The following CD36 variants were observed in gnomAD, a reference collection of about 807,000 sequenced individuals.
CD36 encodes the protein CD36 molecule (CD36 blood group), also known as platelet glycoprotein 4.
CD36 carries 119 observed loss-of-function variants against 55.2 expected under a neutral mutation model. That is an observed-to-expected ratio of 2.15 (90% CI 1.86 to 2.51). The LOEUF is 2.51. CD36 is among the 30% of genes most tolerant of loss of function. The probability of loss-of-function intolerance (pLI) is 0.00; values close to 1 mark genes in which losing one functional copy is unlikely to be tolerated. For synonymous variants in CD36, 186 were observed against 193.6 expected, an observed-to-expected ratio of 0.96 and a Z score of 0.33; for missense variants, 819 against 555.5, an observed-to-expected ratio of 1.47 and a Z score of -4.77.
At chr7:80,631,833 G>T (rs996859649) in intron 1 of CD36, among the ~76,000 whole-genome samples, 1 of 150,872 alleles carries the variant, frequency 6.6e-6, no homozygotes, top group African/African-American at 2.4e-5. Flanking sequence ...ATACATAAAT[G>T]ATATAAATAA....
intron 9 of CD36, 86 bp from the exon 10 acceptor site, chr7:80,670,891 T>TAA: frequency 1.1e-6 from 1 of 950,938 alleles, no homozygotes; most frequent in South Asian, 1.4e-5. Context: ...ATGATGTTTC[T>TAA]AAGTTAAAAC....
chr7:80,647,107 C>T (rs1366452018), intron 3 of CD36: 1 of 430,024 alleles, frequency 2.3e-6, no homozygotes, highest in Non-Finnish European at 4.3e-6. Flanking sequence ...TAAAAGCTGT[C>T]TACAGGTATG....
At chr7:80,667,801 G>A (rs1360635726) in intron 8 of CD36, among the ~76,000 whole-genome samples, 3 of 136,230 alleles carry the variant, frequency 2.2e-5, no homozygotes, top group African/African-American at 8.2e-5. Flanking sequence ...CCAGGCTGGA[G>A]TGCAGTGGTG....
At chr7:80,619,979 A>G (rs761389125) in intron 1 of CD36, among the ~76,000 whole-genome samples, 2 of 152,238 alleles carry the variant, frequency 1.3e-5, no homozygotes, top group Non-Finnish European at 2.9e-5. Context: ...ACTTCAGTGA[A>G]GGAGAAGTAG....
intron 7 of CD36, among the ~76,000 whole-genome samples, chr7:80,665,136 A>T (rs1796943718): frequency 6.6e-6 from 1 of 152,136 alleles, no homozygotes; most frequent in Non-Finnish European, 1.5e-5. Flanking sequence ...AAAATGTGAA[A>T]ATGAAGACTT....
At chr7:80,627,093 G>A (rs1793785859) in intron 1 of CD36, among the ~76,000 whole-genome samples, 1 of 151,928 alleles carries the variant, frequency 6.6e-6, no homozygotes, top group South Asian at 2.1e-4. Context: ...TATGCATTTT[G>A]TTTTGATACT....
At chr7:80,640,835 A>G (rs1020794587) in intron 1 of CD36, among the ~76,000 whole-genome samples, 5 of 152,106 alleles carry the variant, frequency 3.3e-5, no homozygotes, top group African/African-American at 1.2e-4. Context: ...TTTAAAGACT[A>G]CCATCAAAAC....
rs1797094503 is a variant in CD36, at chr7:80,666,394, G to A, written c.702-49G>A. The A allele has an allele frequency of 7.6e-6, 9 of 1,178,732 alleles. No individual in the cohort carries two copies. In the South Asian group the frequency reaches 1.1e-4, roughly 14 times the overall value. 73.0% of individuals were successfully genotyped at this position (1,178,732 alleles called of 1,614,324 possible). A position where few individuals can be genotyped will look rare whatever the true frequency, so the allele number is the denominator to read the frequency against. On this transcript the variant is annotated intron_variant, in intron 7 of 14. Coordinates refer to ENST00000447544, the MANE Select transcript of CD36 (RefSeq NM_001001548.3). ...ATAATAGAAAAAGTAATGTAAGAAAGGTATTCTTTAAATAAGAATGTTTAT... is the reference window on the plus strand; with the variant it reads ...ATAATAGAAAAAGTAATGTAAGAAAAGTATTCTTTAAATAAGAATGTTTAT...
chr7:80,655,931 AAAAG>A (rs869256687), intron 3 of CD36, among the ~76,000 whole-genome samples: 19 of 149,544 alleles, frequency 1.3e-4, no homozygotes, highest in African/African-American at 2.2e-4. Context: ...AAAAAAAAAA[AAAAG>A]AAAAGAAAAA....
chr7:80,660,328 A>C (rs1280082987), intron 4 of CD36, among the ~76,000 whole-genome samples: 2 of 152,182 alleles, frequency 1.3e-5, no homozygotes, highest in Non-Finnish European at 2.9e-5. Context: ...TGGGGAAGTT[A>C]GTCTATAACC....
chr7:80,626,497 G>A (rs565814146), intron 1 of CD36, among the ~76,000 whole-genome samples: 36 of 152,006 alleles, frequency 2.4e-4, no homozygotes, highest in African/African-American at 8.2e-4. Flanking sequence ...AACAAAACTA[G>A]TACAGTCTAT....
Position 80,674,014 on chromosome 7 carries a change from T to C in CD36, c.1286T>C (p.Met429Thr), listed in dbSNP as rs749700447. 2.5e-6 allele frequency: 4 copies of C among 1,612,166 alleles called. No individual in the cohort carries two copies. Among genetic ancestry groups the C allele is most frequent in the East Asian group, 4.5e-5 (2 of 44,672 alleles). The stretch of plus-strand genomic sequence containing the variant: ...ACCATTGGTGATGAGAAGGCAAACA[T>C]GTTCAGAAGTCAAGTAACTGGAAAA... The part of the protein sequence containing the change: ...TGTIGDEKAN[M>T]FRSQVTGKIN... Residue 429 changes from methionine to threonine, a missense_variant, in exon 14 of 15, where the codon ATG becomes ACG. Transcript: ENST00000447544.
chr7:80,664,931 G>C (rs1257607464), intron 7 of CD36, among the ~76,000 whole-genome samples: 1 of 150,802 alleles, frequency 6.6e-6, no homozygotes, highest in African/African-American at 2.4e-5. Flanking sequence ...CGAGCATATC[G>C]AATTCCATAT....
At chr7:80,635,086 A>AT (rs1183662721), upstream of CD36, among the ~76,000 whole-genome samples, 1 of 152,178 alleles carries the variant, frequency 6.6e-6, no homozygotes, top group Non-Finnish European at 1.5e-5. Flanking sequence ...ACTTTAGAAA[A>AT]TTATAAAATT....
chr7:80,657,915 G>C (rs892609960), intron 4 of CD36, among the ~76,000 whole-genome samples: 1 of 151,926 alleles, frequency 6.6e-6, no homozygotes, highest in Non-Finnish European at 1.5e-5. Context: ...TTTGGTTATC[G>C]GATGATTGTA....
chr7:80,672,700 A>AAAAT, intron 11 of CD36, 70 bp from the exon 12 acceptor site: 1 of 1,080,268 alleles, frequency 9.3e-7, no homozygotes, highest in African/African-American at 1.6e-5. Context: ...TGCTGTAAGA[A>AAAAT]AAATAAGTTT....
At chr7:80,614,700 C>A (rs1028925326) in intron 1 of CD36, among the ~76,000 whole-genome samples, 1 of 152,054 alleles carries the variant, frequency 6.6e-6, no homozygotes, top group Non-Finnish European at 1.5e-5. Context: ...AGTTCCTGAC[C>A]CCAATTCCAA....
chr7:80,653,583 C>A (rs3211845), intron 3 of CD36, among the ~76,000 whole-genome samples: 3,849 of 152,244 alleles, frequency 0.025, 135 homozygotes, highest in East Asian at 0.1. Flanking sequence ...CAAATACACA[C>A]ATACACATTA....
chr7:80,662,324 G>A (rs1373021735), intron 5 of CD36: 2 of 165,660 alleles, frequency 1.2e-5, no homozygotes, highest in Non-Finnish European at 2.7e-5. Flanking sequence ...AAGTGGAGAG[G>A]AAGTCAGTTG....
Sources: allele counts gnomAD v4.1 joint callset (sites outside exome capture counted in the v4.1 genomes callset), GRCh38; gene constraint gnomAD v4.1.1; transcripts MANE v1.5; gene names NCBI Gene and HGNC (gene_info 2026-07-23, HGNC 2026-07-21).